The following AHI1 variants were observed in gnomAD, a reference collection of about 807,000 sequenced individuals.
AHI1 encodes the protein jouberin.
AHI1 carries 123 observed loss-of-function variants against 149.3 expected under a neutral mutation model. That is an observed-to-expected ratio of 0.82 (90% confidence interval 0.71 to 0.96). The LOEUF (loss-of-function observed/expected upper bound fraction) is 0.96. AHI1 is among the 40% of genes least tolerant of loss of function. The probability of loss-of-function intolerance (pLI) is 0.00; values close to 1 mark genes in which losing one functional copy is unlikely to be tolerated. For synonymous variants in AHI1, 475 were observed against 459.8 expected, an observed-to-expected ratio of 1.03 and a Z score of -0.42; for missense variants, 1,439 against 1,422.7, an observed-to-expected ratio of 1.01 and a Z score of -0.18.
At chr6:135,336,152 TAC>T (rs897608004) in intron 24 of AHI1, among the ~76,000 whole-genome samples, 1 of 147,002 alleles carries the variant, frequency 6.8e-6, no homozygotes, top group Non-Finnish European at 1.5e-5. Context: ...TATTTATAAA[TAC>T]AGACATACAC....
intron 27 of AHI1, among the ~76,000 whole-genome samples, chr6:135,296,019 AT>A (rs1562450026): frequency 6.6e-6 from 1 of 151,828 alleles, no homozygotes. Flanking sequence ...TGTCCGGCTA[AT>A]TTTTTTGTAT....
chr6:135,298,327 C>CAAAAAAAAAAAAA (rs59847805), intron 27 of AHI1, among the ~76,000 whole-genome samples: 1 of 105,864 alleles, frequency 9.4e-6, no homozygotes. Flanking sequence ...TGACATTTCT[C>CAAAAAAAAAAAAA]AAAAAAAAAA....
At chr6:135,329,648 T>C (rs1009028312) in intron 24 of AHI1, among the ~76,000 whole-genome samples, 3 of 152,222 alleles carry the variant, frequency 2.0e-5, no homozygotes, top group African/African-American at 7.2e-5. Context: ...CTGCAGCCCA[T>C]GGATCAAGGA....
chr6:135,396,076 C>A (rs1295848507), intron 22 of AHI1, among the ~76,000 whole-genome samples: 2 of 151,536 alleles, frequency 1.3e-5, no homozygotes, highest in Non-Finnish European at 3.0e-5. Flanking sequence ...TCTCTTAGAG[C>A]AGAGTTAGCA....
chr6:135,383,588 G>A (rs1265793914), intron 23 of AHI1, among the ~76,000 whole-genome samples: 1 of 151,612 alleles, frequency 6.6e-6, no homozygotes, highest in Non-Finnish European at 1.5e-5. Context: ...ATCTTGCTCA[G>A]CCAGAATGGA....
At chr6:135,420,142 CAG>C (rs894091354) in intron 20 of AHI1, among the ~76,000 whole-genome samples, 8 of 152,244 alleles carry the variant, frequency 5.3e-5, no homozygotes, top group African/African-American at 1.9e-4. Flanking sequence ...TTGAAGCCCT[CAG>C]AGTCATCCAT....
intron 23 of AHI1, chr6:135,387,856 A>C: frequency 6.7e-7 from 1 of 1,493,902 alleles, no homozygotes; most frequent in Non-Finnish European, 8.9e-7. Flanking sequence ...TGATTCTGAC[A>C]ATTCTATGAA....
In AHI1 at chr6:135,284,826, T is replaced by G. The variant is rs1781519373; in HGVS notation, c.*819A>C. On this transcript the variant is annotated 3_prime_UTR_variant, in exon 29 of 29. Coordinates refer to ENST00000265602, the MANE Select transcript of AHI1 (RefSeq NM_001134831.2). ...TAATTAGAAAGTAAATTGTTTTCTT[T>G]TAATGTCTTTGTTACTGAGACTGTT... 6.6e-6 allele frequency: 1 copy of G among 152,224 alleles called. No homozygotes were observed. The highest frequency in any genetic ancestry group is 2.4e-5 in the African/African-American group (1 of 41,446). The allele number at this position is 152,224 out of a possible 1,614,324, so 9.4% of individuals were successfully genotyped here.
At chr6:135,330,499 T>A (rs1788399031) in intron 24 of AHI1, among the ~76,000 whole-genome samples, 1 of 152,224 alleles carries the variant, frequency 6.6e-6, no homozygotes, top group Admixed American at 6.5e-5. Flanking sequence ...CTTAATAGAC[T>A]ACAGTAAACA....
Position 135,447,003 on chromosome 6 carries a change from T to G in AHI1, c.1779+5A>C. On this transcript the variant is annotated splice_donor_5th_base_variant and intron_variant, in intron 13 of 28. Coordinates refer to ENST00000265602, the MANE Select transcript of AHI1 (RefSeq NM_001134831.2). ...AAATAAATCCACTATTATCAAACAC[T>G]TCACCTGCCCAGGGAGTCGTTTCCA... 1.9e-6 allele frequency: 3 copies of G among 1,606,894 alleles called. No homozygotes were observed. The highest frequency in any genetic ancestry group is 2.5e-6 in the Non-Finnish European group (3 of 1,177,014).
chr6:135,403,616 G>T (rs905982595), intron 22 of AHI1, among the ~76,000 whole-genome samples: 10 of 152,166 alleles, frequency 6.6e-5, no homozygotes, highest in Non-Finnish European at 1.2e-4. Flanking sequence ...TAAATAAAGA[G>T]AAATAGCTTT....
chr6:135,446,714 T>G (rs1023837490), intron 13 of AHI1, among the ~76,000 whole-genome samples: 1 of 152,178 alleles, frequency 6.6e-6, no homozygotes, highest in African/African-American at 2.4e-5. Flanking sequence ...CCTCCAGAAC[T>G]GTGAGAAATA....
At chr6:135,430,052 CT>C (rs1330574264) in intron 17 of AHI1, 52 bp from the exon 18 acceptor site, 15 of 980,988 alleles carry the variant, frequency 1.5e-5, no homozygotes, top group Non-Finnish European at 2.0e-5. Context: ...TAATGTTAAA[CT>C]TTTTTGGGGG....
chr6:135,371,966 A>C (rs1241611631), intron 23 of AHI1, among the ~76,000 whole-genome samples: 1 of 152,202 alleles, frequency 6.6e-6, no homozygotes, highest in Non-Finnish European at 1.5e-5. Flanking sequence ...GAAATGGGCA[A>C]TATCTGTAAG....
intron 24 of AHI1, among the ~76,000 whole-genome samples, chr6:135,338,644 C>T (rs553947977): frequency 1.3e-4 from 20 of 152,312 alleles, no homozygotes; most frequent in African/African-American, 4.8e-4. Context: ...TTGCAATAAT[C>T]TCAGGAGTGT....
chr6:135,300,509 G>A lies in AHI1; in HGVS notation c.3476C>T (p.Ser1159Phe). 6.2e-7 allele frequency: 1 copy of A among 1,607,832 alleles called. No individual in the cohort carries two copies. The highest frequency in any genetic ancestry group is 8.5e-7 in the Non-Finnish European group (1 of 1,176,962). ...TGAAGAAGTTGCTTACTGTGTCATA[G>A]ATTCTGAGCCTAGTCTGAAGTCCTG... ...KSQDFRLGSE[S>F]MTHSEMRKEQ... is the part of the protein sequence containing the mutation. The change falls in exon 27 of 29, where the codon TCT (serine) becomes TTT (phenylalanine). Residue 1159 changes from serine (S) to phenylalanine (F), a missense_variant. Physicochemically the swap from Ser to Phe is radical, Grantham distance 155 (BLOSUM62 -2). Coordinates refer to ENST00000265602, the MANE Select transcript of AHI1 (RefSeq NM_001134831.2).
chr6:135,367,319 A>G (rs1007927961), intron 23 of AHI1, among the ~76,000 whole-genome samples: 1 of 152,190 alleles, frequency 6.6e-6, no homozygotes, highest in South Asian at 2.1e-4. Flanking sequence ...GACTTTAGAT[A>G]ACCTGATGAT....
intron 8 of AHI1, among the ~76,000 whole-genome samples, chr6:135,461,778 G>GC (rs1412636536): frequency 6.6e-6 from 1 of 151,908 alleles, no homozygotes; most frequent in Non-Finnish European, 1.5e-5. Context: ...CTGTATGCAA[G>GC]CAACAGTAGT....
At chr6:135,412,205 A>G (rs1781702553) in intron 20 of AHI1, among the ~76,000 whole-genome samples, 1 of 152,192 alleles carries the variant, frequency 6.6e-6, no homozygotes. Flanking sequence ...AAAATACAGT[A>G]TGATAACTAT....
Sources: allele counts gnomAD v4.1 joint callset (sites outside exome capture counted in the v4.1 genomes callset), GRCh38; gene constraint gnomAD v4.1.1; transcripts MANE v1.5; gene names NCBI Gene and HGNC (gene_info 2026-07-23, HGNC 2026-07-21).